The following ATP2B3 variants were observed in gnomAD, a reference collection of about 807,000 sequenced individuals.
ATP2B3 encodes plasma membrane calcium-transporting ATPase 3.
Under a neutral mutation model 70.8 loss-of-function variants are expected in ATP2B3, and 12 were observed. The ratio of observed to expected loss-of-function variants is 0.17; its 90% CI spans 0.11 to 0.27. The LOEUF (loss-of-function observed/expected upper bound fraction) is 0.27. ATP2B3 is among the 10% of genes least tolerant of loss of function. The pLI, the probability that ATP2B3 is intolerant of heterozygous loss-of-function variation, is 1.00. For synonymous variants in ATP2B3, 460 were observed against 497.8 expected, an observed-to-expected ratio of 0.92 and a Z score of 1.01; for missense variants, 858 against 1,118.5, an observed-to-expected ratio of 0.77 and a Z score of 3.32.
In ATP2B3 at chrX:153,519,127, C is replaced by T. The variant is rs781920367; in HGVS notation, c.-127+576C>T. Among the ~76,000 whole-genome samples, 11 of 112,421 alleles carry T rather than the reference C, an allele frequency of 9.8e-5. No individual in the cohort carries two copies. In the Admixed American group the frequency reaches 1.0e-3, roughly 11 times the overall value. On this transcript the variant is annotated intron_variant, in intron 2 of 21. Coordinates refer to ENST00000263519, the MANE Select transcript of ATP2B3 (RefSeq NM_001001344.3). ...GGCAAGGACTGGCTCTTCATTTGCA[C>T]AGGCCTGGCACAGAGTGGGCACCTG... is the stretch of plus-strand genomic sequence containing the variant.
At chrX:153,533,294 G>A (rs73245895) in intron 2 of ATP2B3, 4,190 of 111,844 alleles carry the variant, frequency 0.037, 78 homozygotes, top group South Asian at 0.07. Flanking sequence ...AGACTCAGGC[G>A]CAATCAGTTT....
intron 2 of ATP2B3, among the ~76,000 whole-genome samples, chrX:153,519,786 G>C (rs1180258682): frequency 8.9e-6 from 1 of 112,580 alleles, no homozygotes; most frequent in East Asian, 2.8e-4. Flanking sequence ...GAGTAGGCAT[G>C]CTCTCACACA....
intron 3 of ATP2B3, among the ~76,000 whole-genome samples, chrX:153,537,735 G>T (rs1186156819): frequency 8.9e-6 from 1 of 112,533 alleles, no homozygotes. Context: ...CCCAGCCCCC[G>T]AGGAGGCTGT....
intron 12 of ATP2B3, 124 bp downstream of exon 12, chrX:153,550,410 T>C (rs2090439297): frequency 9.6e-7 from 1 of 1,039,316 alleles, no homozygotes; most frequent in South Asian, 2.3e-5. Flanking sequence ...TGAATGGCAT[T>C]AAGCACGTTC....
intron 17 of ATP2B3, chrX:153,559,386 T>C (rs1317990870): frequency 4.1e-6 from 1 of 246,427 alleles, no homozygotes. Context: ...TTCTGCCTCC[T>C]CCTGCCCCTG....
At chrX:153,529,682 C>T (rs1176944549) in intron 2 of ATP2B3, among the ~76,000 whole-genome samples, 4 of 112,302 alleles carry the variant, frequency 3.6e-5, no homozygotes, top group African/African-American at 1.3e-4. Flanking sequence ...TGTTCGTCTT[C>T]CCAAACTGAA....
At chrX:153,562,096 C>T (rs782724292) in intron 19 of ATP2B3, 39 bp from the exon 20 acceptor site, 3 of 1,168,118 alleles carry the variant, frequency 2.6e-6, no homozygotes, top group African/African-American at 3.5e-5. Context: ...GCTCAGGAGC[C>T]GCGGCTGGAC....
intron 8 of ATP2B3, 38 bp from the exon 9 acceptor site, chrX:153,547,797 A>G: frequency 8.8e-7 from 1 of 1,139,197 alleles, no homozygotes; most frequent in Non-Finnish European, 1.2e-6. Context: ...CTCCCCAGCC[A>G]GGCACTGACC....
Position 153,560,725 on chromosome X carries a change from G to A in ATP2B3, c.2889G>A (p.Ser963=), listed in dbSNP as rs146440948. The change falls in exon 19 of 22, where the codon TCG becomes TCA. Residue 963 remains serine (S), a synonymous_variant. Coordinates refer to ENST00000263519, the MANE Select transcript of ATP2B3 (RefSeq NM_001001344.3). ...IDSGRNAPLH[S]PPSEHYTIIF... is the part of the protein sequence containing the mutation. The stretch of plus-strand genomic sequence containing the variant: ...GCGGGAGGAATGCGCCCCTGCACTC[G>A]CCACCCTCAGAGCACTACACCATCA... 83 of 1,210,450 alleles carry A rather than the reference G, an allele frequency of 6.9e-5. No individual in the cohort carries two copies. In the East Asian group the frequency reaches 1.3e-3, roughly 19 times the overall value.
rs140240114 is a variant in ATP2B3 at position 153,550,149 on chromosome X, C to T, written c.1686C>T (p.Arg562=). The T allele has an allele frequency of 3.3e-6, 4 of 1,211,487 alleles. No homozygotes were observed. The highest frequency in any genetic ancestry group is 2.2e-5 in the Admixed American group (1 of 46,041). ...TGAAGCGGGACTTCCAGCCCGTGCG[C>T]GAGCAGATCCCGGAAGACAAGCTTT... ...LDLKRDFQPV[R]EQIPEDKLYK... is the part of the protein sequence containing the mutation. Residue 562 remains arginine, a synonymous_variant, in exon 12 of 22, where the codon CGC becomes CGT. Coordinates refer to ENST00000263519, the MANE Select transcript of ATP2B3 (RefSeq NM_001001344.3).
At chrX:153,521,714 C>T (rs948609070) in intron 2 of ATP2B3, among the ~76,000 whole-genome samples, 1 of 111,382 alleles carries the variant, frequency 9.0e-6, no homozygotes, top group Non-Finnish European at 1.9e-5. Flanking sequence ...GCCACAGGCT[C>T]AAGGCACTTT....
At chrX:153,542,884 G>A (rs782502465) in intron 6 of ATP2B3, among the ~76,000 whole-genome samples, 159 bp from the exon 7 acceptor site, 224 of 113,224 alleles carry the variant, frequency 2.0e-3, no homozygotes, top group African/African-American at 6.8e-3. Context: ...TGTGGGCCTC[G>A]GGGTCTCCTC....
chrX:153,518,779 G>A (rs1399494858), intron 2 of ATP2B3, among the ~76,000 whole-genome samples: 1 of 111,621 alleles, frequency 9.0e-6, no homozygotes, highest in African/African-American at 3.3e-5. Flanking sequence ...ATGCTCCTTC[G>A]CTCACTCAAG....
At chrX:153,545,813 C>T (rs1557008496) in intron 7 of ATP2B3, among the ~76,000 whole-genome samples, 1 of 111,966 alleles carries the variant, frequency 8.9e-6, no homozygotes, top group Non-Finnish European at 1.9e-5. Flanking sequence ...CACTGCCAGC[C>T]ATGTGTGACC....
At chrX:153,560,607 A>T in intron 18 of ATP2B3, 69 bp from the exon 19 acceptor site, 1 of 1,106,562 alleles carries the variant, frequency 9.0e-7, no homozygotes, top group Admixed American at 2.3e-5. Flanking sequence ...TACACACCGA[A>T]GTCTCGCTCC....
chrX:153,551,030 G>A (rs1422854513), intron 12 of ATP2B3, among the ~76,000 whole-genome samples: 5 of 112,653 alleles, frequency 4.4e-5, no homozygotes, highest in Admixed American at 1.9e-4. Flanking sequence ...TGGCTGTCAC[G>A]AGTCACGCTG....
intron 19 of ATP2B3, 133 bp downstream of exon 19, chrX:153,561,020 C>G: frequency 1.4e-6 from 1 of 720,419 alleles, no homozygotes; most frequent in Admixed American, 3.1e-5. Context: ...CCCCACCTGG[C>G]TTTCCTGTAG....
Position 153,550,249 on chromosome X carries a change from C to A in ATP2B3, c.1786C>A (p.Leu596Ile). The change falls in exon 12 of 22, where the codon CTC becomes ATC. Residue 596 changes from leucine (L) to isoleucine (I), a missense_variant. By Grantham distance (5) the Leu-to-Ile change is conservative. Transcript: ENST00000263519. ...CCGCATGCCCGACGGTGGCTTCCGC[C>A]TCTTCAGCAAGGGGGCCTCAGAGAT... ...VIRMPDGGFR[L>I]FSKGASEILL... 1 of 1,212,451 alleles carries A rather than the reference C, an allele frequency of 8.2e-7. No homozygotes were observed. The highest frequency in any genetic ancestry group is 1.1e-6 in the Non-Finnish European group (1 of 895,583).
intron 21 of ATP2B3, among the ~76,000 whole-genome samples, chrX:153,571,879 C>A (rs1365208912): frequency 1.8e-5 from 2 of 112,928 alleles, no homozygotes; most frequent in Non-Finnish European, 3.8e-5. Flanking sequence ...AGAAAGGACT[C>A]TGCCGTGGAG....
Sources: allele counts gnomAD v4.1 joint callset (sites outside exome capture counted in the v4.1 genomes callset), GRCh38; gene constraint gnomAD v4.1.1; transcripts MANE v1.5; gene names NCBI Gene and HGNC (gene_info 2026-07-23, HGNC 2026-07-21).